COPZ2: variants seen among roughly 807,000 people sequenced by gnomAD.
The protein encoded by COPZ2 is coat protein complex I subunit zeta 2.
COPZ2 carries 30 observed loss-of-function variants against 33.2 expected under a neutral mutation model. The observed-to-expected ratio is 0.90, with a 90% CI of 0.68 to 1.23. COPZ2 has a LOEUF of 1.23. Ranked by LOEUF, COPZ2 falls within the 50% of genes most tolerant of loss-of-function variation. The pLI, the probability that COPZ2 is intolerant of heterozygous loss-of-function variation, is 0.00. For synonymous variants in COPZ2, 89 were observed against 102.6 expected (o/e 0.87, Z 0.80); for missense variants, 263 against 262.4 (o/e 1.00, Z -0.02).
At chr17:48,041,807 CATT>C (rs757561952), upstream of COPZ2, among the ~76,000 whole-genome samples, 1 of 108,080 alleles carries the variant, frequency 9.3e-6, no homozygotes, top group African/African-American at 4.0e-5. Context: ...TGAGCTAGTC[CATT>C]TTTTTTTTTT....
chr17:48,033,141 G>T, intron 4 of COPZ2, 70 bp downstream of exon 4: 1 of 1,104,704 alleles, frequency 9.1e-7, no homozygotes, highest in Non-Finnish European at 1.4e-6. Context: ...CCAGCCTCAA[G>T]CCCAGATTCC....
upstream of COPZ2, among the ~76,000 whole-genome samples, chr17:48,040,378 T>C (rs115228368): frequency 0.11 from 16,009 of 149,900 alleles, 1,094 homozygotes; most frequent in African/African-American, 0.19. Context: ...TGGCCAATTA[T>C]GTTTGTCTTG....
intron 7 of COPZ2, 37 bp downstream of exon 7, chr17:48,029,088 G>A: frequency 1.3e-6 from 2 of 1,552,474 alleles, no homozygotes; most frequent in Non-Finnish European, 8.7e-7. Context: ...GACAGGAAGG[G>A]CAGCCTAAAA....
At chr17:48,029,238 TCTC>T (rs1444682967) in intron 6 of COPZ2, 62 bp from the exon 7 acceptor site, 18 of 1,470,848 alleles carry the variant, frequency 1.2e-5, no homozygotes, top group Non-Finnish European at 1.6e-5. Context: ...CTCCGCCCCT[TCTC>T]CTTGCCAAGC....
chr17:48,037,328 G>A lies in COPZ2; in HGVS notation c.111+339C>T. The A allele has an allele frequency of 4.7e-6, 2 of 429,382 alleles. No homozygotes were observed. Among genetic ancestry groups the A allele is most frequent in the Non-Finnish European group, 9.0e-6 (2 of 221,644 alleles). 26.6% of individuals were successfully genotyped at this position (429,382 alleles called of 1,614,324 possible). ...CAGCGCGCCCCCAGGCCCTGGCCCG[G>A]GTAGACTCCAGAAGCATGCCCATCA... On this transcript the variant is annotated intron_variant, in intron 1 of 8. Coordinates refer to ENST00000621465, the MANE Select transcript of COPZ2 (RefSeq NM_016429.4). The surrounding 1 kb of genome is among the most constrained non-coding windows in gnomAD (Gnocchi z 5.6).
chr17:48,037,249 C>CG lies in COPZ2; in HGVS notation c.112-325dup. ...ACAGAACCTGGGCCGGGGGGGACAG[C>CG]GGGCCGAGCCTCCTTCTTCCAGCTG... On this transcript the variant is annotated intron_variant, in intron 1 of 8. Coordinates refer to ENST00000621465, the MANE Select transcript of COPZ2 (RefSeq NM_016429.4). The surrounding 1 kb of genome is among the most constrained non-coding windows in gnomAD (Gnocchi z 5.6). 1.7e-6 allele frequency: 1 copy of CG among 586,088 alleles called. No homozygotes were observed. Among genetic ancestry groups the CG allele is most frequent in the Non-Finnish European group, 3.3e-6 (1 of 304,452 alleles). 36.3% of individuals were successfully genotyped at this position (586,088 alleles called of 1,614,324 possible).
chr17:48,036,661 A>C (rs1567743345), intron 2 of COPZ2, among the ~76,000 whole-genome samples, 190 bp downstream of exon 2: 1 of 152,206 alleles, frequency 6.6e-6, no homozygotes, highest in Non-Finnish European at 1.5e-5. Context: ...TTCAGGGAAC[A>C]TGAGTAGAAA....
intron 6 of COPZ2, among the ~76,000 whole-genome samples, chr17:48,030,341 CAA>C (rs1042283579): frequency 2.9e-5 from 4 of 140,040 alleles, no homozygotes; most frequent in African/African-American, 1.0e-4. Context: ...AAGAAACAAA[CAA>C]AAAAATTCCC....
At chr17:48,026,757 T>C (rs951029546) in intron 8 of COPZ2, among the ~76,000 whole-genome samples, 1 of 152,242 alleles carries the variant, frequency 6.6e-6, no homozygotes, top group African/African-American at 2.4e-5. Context: ...GTCTCCCCGC[T>C]GTCATGCCAT....
In COPZ2 at chr17:48,028,405, C is replaced by A; in HGVS notation, c.585+67G>T. On this transcript the variant is annotated intron_variant, in intron 8 of 8. Coordinates refer to ENST00000621465, the MANE Select transcript of COPZ2 (RefSeq NM_016429.4). This position sits in a 1 kb window ranked among gnomAD's most constrained non-coding sequence, Gnocchi z 4.5. ...CTTCACTGGGTCCCCCTAGGATGCT[C>A]TAGGATGCTCTGCTCCCCGTATCTC... 1 of 1,515,206 alleles carries A rather than the reference C, an allele frequency of 6.6e-7. No homozygotes were observed. Among genetic ancestry groups the A allele is most frequent in the Non-Finnish European group, 9.0e-7 (1 of 1,115,406 alleles). The allele number at this position is 1,515,206 out of a possible 1,614,324, so 93.9% of individuals were successfully genotyped here.
At chr17:48,031,659 A>G (rs2036896770) in intron 6 of COPZ2, 1 of 159,670 alleles carries the variant, frequency 6.3e-6, no homozygotes, top group African/African-American at 2.4e-5. Flanking sequence ...ATCTTCTCAC[A>G]CATGTATTTA....
At chr17:48,038,981 T>C (rs1477577629), upstream of COPZ2, among the ~76,000 whole-genome samples, 1 of 152,128 alleles carries the variant, frequency 6.6e-6, no homozygotes, top group Non-Finnish European at 1.5e-5. Flanking sequence ...TTTTTACTAA[T>C]ATTGCTTGTT....
At chr17:48,030,684 A>G (rs1171075545) in intron 6 of COPZ2, among the ~76,000 whole-genome samples, 1 of 152,242 alleles carries the variant, frequency 6.6e-6, no homozygotes, top group Non-Finnish European at 1.5e-5. Context: ...GCTCCAGTTT[A>G]GGCGTTGCCT....
In COPZ2 at chr17:48,028,802, T is replaced by A. The variant is rs897355784; in HGVS notation, c.547-292A>T. Among the ~76,000 whole-genome samples the A allele has an allele frequency of 9.9e-5, 15 of 152,124 alleles. No homozygotes were observed. The highest frequency in any genetic ancestry group is 4.4e-5 in the Non-Finnish European group (3 of 68,008). On this transcript the variant is annotated intron_variant, in intron 7 of 8. Transcript: ENST00000621465. This position sits in a 1 kb window ranked among gnomAD's most constrained non-coding sequence, Gnocchi z 4.5. ...AAACAAGGCAGGGAGGTTCTATCCATACCCCTGACCCCCAACCTCAAGGCC... is the reference window on the plus strand; with the variant it reads ...AAACAAGGCAGGGAGGTTCTATCCAAACCCCTGACCCCCAACCTCAAGGCC...
rs1311801529 is a variant in COPZ2, at chr17:48,026,224, T to A, written c.*204A>T. The A allele has an allele frequency of 1.8e-6, 1 of 555,230 alleles. No individual in the cohort carries two copies. The highest frequency in any genetic ancestry group is 1.9e-5 in the African/African-American group (1 of 53,126). 34.4% of individuals were successfully genotyped at this position (555,230 alleles called of 1,614,324 possible). On this transcript the variant is annotated 3_prime_UTR_variant, in exon 9 of 9. Coordinates refer to ENST00000621465, the MANE Select transcript of COPZ2 (RefSeq NM_016429.4). Reference sequence around the variant, plus strand: ...CCTGGGGCCAGGAATGCCTAAGATATGAGTTAAGGCCAGGGCCGTGAGAAA... The same window carrying A: ...CCTGGGGCCAGGAATGCCTAAGATAAGAGTTAAGGCCAGGGCCGTGAGAAA...
At chr17:48,033,107 G>T (rs2036918484) in intron 4 of COPZ2, 104 bp downstream of exon 4, 4 of 778,902 alleles carry the variant, frequency 5.1e-6, no homozygotes, top group Non-Finnish European at 8.8e-6. Context: ...TAAAAGAAGG[G>T]GTCCAATGGT....
intron 6 of COPZ2, among the ~76,000 whole-genome samples, chr17:48,030,614 G>A (rs1373599235): frequency 6.6e-6 from 1 of 152,100 alleles, no homozygotes; most frequent in Non-Finnish European, 1.5e-5. Flanking sequence ...AGCACCCCCT[G>A]TCCCAAGCTC....
chr17:48,046,677 C>T, the COPZ2 span: 1 of 152,212 alleles, frequency 6.6e-6, no homozygotes, highest in East Asian at 1.9e-4. Flanking sequence ...TCTTCATTGT[C>T]TCACTACTTC....
At chr17:48,038,003 T>C, upstream of COPZ2, 1 of 348,898 alleles carries the variant, frequency 2.9e-6, no homozygotes, top group Non-Finnish European at 3.9e-6. Flanking sequence ...GTCCCTTACA[T>C]CCCCGAACTC....
Sources: gnomAD v4.1 joint callset for allele counts (sites outside exome capture counted in the v4.1 genomes callset) on GRCh38, gnomAD v4.1.1 for gene constraint, Gnocchi (gnomAD v3.1) non-coding constraint, MANE v1.5 for transcripts, NCBI Gene and HGNC (gene_info 2026-07-23, HGNC 2026-07-21) for gene names.